FAR2: variants seen among roughly 807,000 people sequenced by gnomAD.
FAR2 encodes the protein epididymis secretory protein Li 81.
A neutral mutation model predicts 56.0 loss-of-function variants in FAR2; 19 were observed. That is an observed-to-expected ratio of 0.34 (90% CI 0.24 to 0.50). FAR2 has a LOEUF of 0.50. FAR2 is among the 20% of genes least tolerant of loss of function. FAR2 has a pLI of 0.98. For missense variants in FAR2, 508 were observed against 642.2 expected, an observed-to-expected ratio of 0.79 and a Z score of 2.26; for synonymous variants, 219 against 218.8, an observed-to-expected ratio of 1.00 and a Z score of -0.01.
chr12:29,211,079 C>G (rs1048456987), intron 1 of FAR2, among the ~76,000 whole-genome samples: 2 of 151,950 alleles, frequency 1.3e-5, no homozygotes, highest in African/African-American at 2.4e-5. Flanking sequence ...AAACTGATCT[C>G]TGTAGGGTTG....
At chr12:29,183,646 A>G (rs150390733) in intron 1 of FAR2, among the ~76,000 whole-genome samples, 33 of 152,318 alleles carry the variant, frequency 2.2e-4, no homozygotes, top group African/African-American at 7.2e-4. Flanking sequence ...GGAATTTTCT[A>G]CAGTTAACAG....
At chr12:29,287,199 G>A (rs1948891988) in intron 2 of FAR2, among the ~76,000 whole-genome samples, 1 of 152,158 alleles carries the variant, frequency 6.6e-6, no homozygotes, top group South Asian at 2.1e-4. Flanking sequence ...TTCAGGGTCA[G>A]GACATAGGTT....
chr12:29,299,213 C>CAGAAAAAA (rs1565512259), intron 4 of FAR2, among the ~76,000 whole-genome samples: 2 of 103,588 alleles, frequency 1.9e-5, no homozygotes, highest in Admixed American at 2.2e-4. Flanking sequence ...AACTTTGTCT[C>CAGAAAAAA]AAAAAAAAAA....
rs142247138 is a variant in FAR2 at position 29,193,731 on chromosome 12, G to T, written c.-39+44324G>T. Among the ~76,000 whole-genome samples, 142 of 152,282 alleles carry T rather than the reference G, an allele frequency of 9.3e-4. 2 individuals carry two copies. The East Asian group carries it at 0.014, about 15-fold the overall frequency. On this transcript the variant is annotated intron_variant, in intron 1 of 11. Transcript: ENST00000536681. ...ACATTTGTGTGCAGGTTTTTGTGTG[G>T]ACATAAATTTTCACCTCTTTTGGGT...
At chr12:29,307,897 A>G in intron 5 of FAR2, 62 bp downstream of exon 5, 1 of 1,492,834 alleles carries the variant, frequency 6.7e-7, no homozygotes, top group Non-Finnish European at 9.0e-7. Context: ...TAGTCCAATT[A>G]CTTTCTGATG....
chr12:29,259,712 C>T (rs1293551217), intron 1 of FAR2, among the ~76,000 whole-genome samples: 1 of 152,172 alleles, frequency 6.6e-6, no homozygotes, highest in African/African-American at 2.4e-5. Flanking sequence ...AAAAATCTAA[C>T]CTGCATAAAG....
At chr12:29,200,233 C>G (rs1395882347) in intron 1 of FAR2, among the ~76,000 whole-genome samples, 1 of 152,144 alleles carries the variant, frequency 6.6e-6, no homozygotes, top group African/African-American at 2.4e-5. Flanking sequence ...ATGAAGATTA[C>G]AGTGTGAATG....
In FAR2 at chr12:29,316,919, A is replaced by G. The variant is rs147174881; in HGVS notation, c.1034A>G (p.Asn345Ser). ...FRRPNANFTSNSFTSQYWNAV... is the reference protein window; with the variant it reads ...FRRPNANFTSSSFTSQYWNAV... Reference sequence around the variant, plus strand: ...AGGCCAAATGCTAATTTTACCAGCAACAGCTTCACATCACAGTACTGGAAT... The same window carrying G: ...AGGCCAAATGCTAATTTTACCAGCAGCAGCTTCACATCACAGTACTGGAAT... Residue 345 changes from asparagine to serine, a missense_variant, in exon 9 of 12, where the codon AAC becomes AGC. Coordinates refer to ENST00000536681, the MANE Select transcript of FAR2 (RefSeq NM_001271783.2). 8 of 1,613,968 alleles carry G rather than the reference A, an allele frequency of 5.0e-6. No homozygotes were observed. The African/African-American group carries it at 1.1e-4, about 22-fold the overall frequency.
At chr12:29,190,487 G>T (rs191879303) in intron 1 of FAR2, among the ~76,000 whole-genome samples, 2 of 151,960 alleles carry the variant, frequency 1.3e-5, no homozygotes, top group African/African-American at 2.4e-5. Flanking sequence ...TTATTGAGAC[G>T]GAGTTTCCCT....
chr12:29,258,298 T>A (rs558137493), intron 1 of FAR2, among the ~76,000 whole-genome samples: 19 of 152,100 alleles, frequency 1.2e-4, no homozygotes, highest in Non-Finnish European at 2.1e-4. Context: ...GAGATTGCAG[T>A]GAGCCGAGAT....
chr12:29,280,200 C>T (rs982901925), intron 2 of FAR2, among the ~76,000 whole-genome samples: 5 of 152,232 alleles, frequency 3.3e-5, no homozygotes, highest in African/African-American at 1.2e-4. Context: ...ATTGGGATTA[C>T]AGGCATGAGC....
intron 2 of FAR2, among the ~76,000 whole-genome samples, chr12:29,288,003 T>A (rs1230243983): frequency 1.3e-5 from 2 of 152,206 alleles, no homozygotes; most frequent in Non-Finnish European, 2.9e-5. Context: ...TTTTTTCTGG[T>A]TTTCTCTTTC....
rs1424607086 is a variant in FAR2 at position 29,333,817 on chromosome 12, A to G, written c.*23A>G. Reference sequence around the variant, plus strand: ...TAAGAGCATTTAGCCATCGCTTTTTATCTGGAACCTCTCAGATACCTCTAA... The same window carrying G: ...TAAGAGCATTTAGCCATCGCTTTTTGTCTGGAACCTCTCAGATACCTCTAA... On this transcript the variant is annotated 3_prime_UTR_variant, in exon 12 of 12. Coordinates refer to ENST00000536681, the MANE Select transcript of FAR2 (RefSeq NM_001271783.2). 1 of 1,608,128 alleles carries G rather than the reference A, an allele frequency of 6.2e-7. No individual in the cohort carries two copies. The highest frequency in any genetic ancestry group is 8.5e-7 in the Non-Finnish European group (1 of 1,176,602).
intron 1 of FAR2, among the ~76,000 whole-genome samples, chr12:29,261,570 G>A (rs1342647483): frequency 6.6e-6 from 1 of 152,132 alleles, no homozygotes; most frequent in African/African-American, 2.4e-5. Flanking sequence ...GTATAAGGAG[G>A]TTATAGAACA....
chr12:29,204,722 C>T (rs759596477), intron 1 of FAR2, among the ~76,000 whole-genome samples: 2 of 152,056 alleles, frequency 1.3e-5, no homozygotes, highest in African/African-American at 2.4e-5. Flanking sequence ...ACAATCATGG[C>T]GGAAGGGGAA....
intron 1 of FAR2, among the ~76,000 whole-genome samples, chr12:29,176,573 G>A (rs1165513061): frequency 1.3e-5 from 2 of 152,162 alleles, no homozygotes; most frequent in South Asian, 2.1e-4. Flanking sequence ...AAGGAAATAA[G>A]AATGATAGCT....
intron 1 of FAR2, among the ~76,000 whole-genome samples, chr12:29,187,478 A>C (rs35054952): frequency 0.039 from 5,994 of 152,216 alleles, 344 homozygotes; most frequent in African/African-American, 0.13. Flanking sequence ...GTCTTTAAAC[A>C]CAGCAAACCA....
chr12:29,178,675 G>A (rs961380583), intron 1 of FAR2, among the ~76,000 whole-genome samples: 5 of 152,204 alleles, frequency 3.3e-5, no homozygotes, highest in African/African-American at 1.2e-4. Flanking sequence ...ATATGGTAAG[G>A]CCCATGTTCT....
intron 2 of FAR2, among the ~76,000 whole-genome samples, chr12:29,289,369 G>C (rs992237239): frequency 6.6e-6 from 1 of 152,060 alleles, no homozygotes; most frequent in African/African-American, 2.4e-5. Flanking sequence ...GAACAGAATA[G>C]AGAACTCAGA....
Sources: gnomAD v4.1 joint callset for allele counts (sites outside exome capture counted in the v4.1 genomes callset) on GRCh38, gnomAD v4.1.1 for gene constraint, MANE v1.5 for transcripts, NCBI Gene and HGNC (gene_info 2026-07-23, HGNC 2026-07-21) for gene names.